The following FHOD3 variants were observed in gnomAD, a reference collection of about 807,000 sequenced individuals.
FHOD3 encodes the protein FH1/FH2 domain-containing protein 3.
In FHOD3, 90 loss-of-function variants were observed where a neutral mutation model predicts 173.0. That is an observed-to-expected ratio of 0.52 (90% CI 0.44 to 0.62). The LOEUF is 0.62. FHOD3 is among the 20% of genes least tolerant of loss of function. The probability of loss-of-function intolerance (pLI) is 0.00; values close to 1 mark genes in which losing one functional copy is unlikely to be tolerated. For synonymous variants in FHOD3, 828 were observed against 823.0 expected, an observed-to-expected ratio of 1.01 and a Z score of -0.10; for missense variants, 1,945 against 2,034.7, an observed-to-expected ratio of 0.96 and a Z score of 0.85.
At chr18:36,542,024 A>G (rs2057242547) in intron 5 of FHOD3, among the ~76,000 whole-genome samples, 1 of 152,232 alleles carries the variant, frequency 6.6e-6, no homozygotes. Context: ...TCCAGTCTTC[A>G]CCAGCCCCAC....
At chr18:36,501,820 A>G (rs2055046358) in intron 3 of FHOD3, 112 bp from the exon 4 acceptor site, 1 of 697,726 alleles carries the variant, frequency 1.4e-6, no homozygotes, top group Non-Finnish European at 2.4e-6. Flanking sequence ...TGAAATGAAT[A>G]GGCTTTCATT....
chr18:36,596,321 A>ATTTTTT (rs539907617), intron 7 of FHOD3, among the ~76,000 whole-genome samples: 41 of 57,498 alleles, frequency 7.1e-4, no homozygotes, highest in Admixed American at 1.1e-3. Flanking sequence ...TGCCCAGCTA[A>ATTTTTT]TTTTTTTTTT....
At chr18:36,614,572 G>A (rs2033013967) in intron 9 of FHOD3, among the ~76,000 whole-genome samples, 1 of 152,134 alleles carries the variant, frequency 6.6e-6, no homozygotes, top group Non-Finnish European at 1.5e-5. Flanking sequence ...GGAATTGCTG[G>A]ATTGGTTTCT....
intron 9 of FHOD3, among the ~76,000 whole-genome samples, chr18:36,623,584 T>C (rs570237931): frequency 2.0e-4 from 30 of 152,348 alleles, no homozygotes; most frequent in African/African-American, 6.5e-4. Flanking sequence ...AGGATACTCC[T>C]AGGAAATAGA....
intron 5 of FHOD3, among the ~76,000 whole-genome samples, chr18:36,571,431 CAGAGT>C (rs1377670021): frequency 1.3e-5 from 2 of 152,168 alleles, no homozygotes; most frequent in Non-Finnish European, 2.9e-5. Context: ...GAAGATTCAG[CAGAGT>C]AAAGATGTCA....
At chr18:36,458,832 A>G (rs2052382113) in intron 3 of FHOD3, among the ~76,000 whole-genome samples, 1 of 152,136 alleles carries the variant, frequency 6.6e-6, no homozygotes, top group African/African-American at 2.4e-5. Context: ...TTTCCAGCCT[A>G]GAAGAAAAAT....
chr18:36,687,240 G>T, intron 16 of FHOD3, 62 bp downstream of exon 16: 1 of 1,210,656 alleles, frequency 8.3e-7, no homozygotes. Context: ...TGTTAACCTA[G>T]CATGCAGAGA....
intron 3 of FHOD3, among the ~76,000 whole-genome samples, chr18:36,448,566 A>G (rs2051635703): frequency 6.6e-6 from 1 of 152,074 alleles, no homozygotes; most frequent in Non-Finnish European, 1.5e-5. Flanking sequence ...TGGCTTCCCA[A>G]GCATTTTATA....
intron 3 of FHOD3, among the ~76,000 whole-genome samples, chr18:36,441,963 A>G (rs905738198): frequency 1.3e-5 from 2 of 152,254 alleles, no homozygotes; most frequent in Non-Finnish European, 1.5e-5. Flanking sequence ...TTAGTTCATG[A>G]AAGTCCGTGA....
chr18:36,371,427 A>G (rs1598873126), intron 2 of FHOD3, among the ~76,000 whole-genome samples: 1 of 152,188 alleles, frequency 6.6e-6, no homozygotes, highest in East Asian at 1.9e-4. Flanking sequence ...GTGGCAGGCA[A>G]GAGAGTGTGT....
intron 3 of FHOD3, among the ~76,000 whole-genome samples, chr18:36,463,168 AT>A (rs2052663422): frequency 6.6e-6 from 1 of 151,928 alleles, no homozygotes; most frequent in African/African-American, 2.4e-5. Context: ...TAGATTTAAA[AT>A]TTTAGTAAAA....
chr18:36,746,681 T>A (rs897557708), intron 23 of FHOD3, among the ~76,000 whole-genome samples: 2 of 152,146 alleles, frequency 1.3e-5, no homozygotes, highest in Non-Finnish European at 2.9e-5. Context: ...AATTTACAGT[T>A]CCCAAAGATT....
chr18:36,349,197 G>A (rs1598798105), intron 1 of FHOD3, among the ~76,000 whole-genome samples: 1 of 152,300 alleles, frequency 6.6e-6, no homozygotes, highest in South Asian at 2.1e-4. Flanking sequence ...GAGCAGCCAG[G>A]CCCGAGTCTT....
chr18:36,448,810 G>A (rs576931499), intron 3 of FHOD3, among the ~76,000 whole-genome samples: 1 of 152,288 alleles, frequency 6.6e-6, no homozygotes, highest in South Asian at 2.1e-4. Flanking sequence ...TGGTCTTGCG[G>A]TTGAGAAATT....
intron 4 of FHOD3, among the ~76,000 whole-genome samples, chr18:36,506,257 T>C (rs1338790463): frequency 6.6e-6 from 1 of 152,230 alleles, no homozygotes; most frequent in East Asian, 1.9e-4. Flanking sequence ...GAGGAATAAG[T>C]GTTAAAAACA....
chr18:36,339,330 C>T lies in FHOD3; in HGVS notation c.166-16209C>T, dbSNP rs758002337. Reference sequence around the variant, plus strand: ...GCAGGCAGCAGCCAACTGGCTGCTTCGGGCTCATAGCCCAGAACCCAACAG... The same window carrying T: ...GCAGGCAGCAGCCAACTGGCTGCTTTGGGCTCATAGCCCAGAACCCAACAG... On this transcript the variant is annotated intron_variant, in intron 1 of 28. Coordinates refer to ENST00000590592, the MANE Select transcript of FHOD3 (RefSeq NM_001281740.3). 9.2e-5 allele frequency among the ~76,000 whole-genome samples: 14 copies of T among 152,236 alleles called. No homozygotes were observed. The East Asian group carries it at 9.7e-4, about 11-fold the overall frequency.
At chr18:36,466,351 T>C (rs995557687) in intron 3 of FHOD3, among the ~76,000 whole-genome samples, 1 of 152,154 alleles carries the variant, frequency 6.6e-6, no homozygotes, top group African/African-American at 2.4e-5. Flanking sequence ...AGGGGAGATA[T>C]TTCTCTGCAG....
intron 25 of FHOD3, among the ~76,000 whole-genome samples, chr18:36,756,709 C>T (rs2042648318): frequency 1.3e-5 from 2 of 152,198 alleles, no homozygotes; most frequent in South Asian, 4.1e-4. Context: ...ATAATCATTT[C>T]TCTTACCATC....
At chr18:36,514,972 A>C (rs545493899) in intron 5 of FHOD3, among the ~76,000 whole-genome samples, 18 of 152,326 alleles carry the variant, frequency 1.2e-4, no homozygotes, top group African/African-American at 4.1e-4. Context: ...GCATAGAGGG[A>C]GTTCGGAAAG....
Sources: gnomAD v4.1 joint callset for allele counts (sites outside exome capture counted in the v4.1 genomes callset) on GRCh38, gnomAD v4.1.1 for gene constraint, MANE v1.5 for transcripts, NCBI Gene and HGNC (gene_info 2026-07-23, HGNC 2026-07-21) for gene names.